The following CADPS variants were observed in gnomAD, a reference collection of about 807,000 sequenced individuals.
CADPS encodes the protein calcium dependent secretion activator.
In CADPS, 57 loss-of-function variants were observed where a neutral mutation model predicts 167.3. That is an observed-to-expected ratio of 0.34 (90% confidence interval 0.28 to 0.42). CADPS has a LOEUF of 0.42. Ranked by LOEUF, CADPS falls within the 20% of genes least tolerant of loss-of-function variation. The probability of loss-of-function intolerance (pLI) is 1.00; values close to 1 mark genes in which losing one functional copy is unlikely to be tolerated. For synonymous variants in CADPS, 676 were observed against 635.3 expected (o/e 1.06, Z -0.96); for missense variants, 1,414 against 1,738.1 (o/e 0.81, Z 3.32).
chr3:62,407,829 G>A (rs774011600), intron 28 of CADPS, among the ~76,000 whole-genome samples: 3 of 152,128 alleles, frequency 2.0e-5, no homozygotes, highest in Non-Finnish European at 4.4e-5. Context: ...TGTCTCCCAG[G>A]TTCAAGTGAT....
intron 24 of CADPS, among the ~76,000 whole-genome samples, chr3:62,470,464 G>A (rs2060456851): frequency 6.6e-6 from 1 of 152,162 alleles, no homozygotes; most frequent in African/African-American, 2.4e-5. Context: ...GCTTTACTTT[G>A]GAGATGAATA....
At chr3:62,807,714 T>C (rs1473064926) in intron 1 of CADPS, among the ~76,000 whole-genome samples, 1 of 152,186 alleles carries the variant, frequency 6.6e-6, no homozygotes, top group Admixed American at 6.5e-5. Context: ...TTATTCACAA[T>C]GATTTCAAAT....
intron 5 of CADPS, among the ~76,000 whole-genome samples, chr3:62,647,300 G>C (rs1037414483): frequency 6.6e-6 from 1 of 152,188 alleles, no homozygotes; most frequent in African/African-American, 2.4e-5. Flanking sequence ...GATTCCACAA[G>C]TCACAGTTTT....
At chr3:62,726,042 C>T (rs372078817) in intron 3 of CADPS, among the ~76,000 whole-genome samples, 8 of 151,630 alleles carry the variant, frequency 5.3e-5, no homozygotes, top group South Asian at 2.1e-4. Context: ...AGGAGGCTGA[C>T]GGCCTATGGT....
intron 29 of CADPS, among the ~76,000 whole-genome samples, chr3:62,401,049 C>A (rs1346149263): frequency 1.3e-5 from 2 of 152,172 alleles, no homozygotes; most frequent in African/African-American, 4.8e-5. Flanking sequence ...AAAAAGTAAT[C>A]TGGTTTGACA....
At chr3:62,819,401 TGTGTGC>T (rs1388103876) in intron 1 of CADPS, among the ~76,000 whole-genome samples, 2 of 125,900 alleles carry the variant, frequency 1.6e-5, no homozygotes, top group African/African-American at 6.0e-5. Context: ...AATGACAATC[TGTGTGC>T]GTGTGTGTGT....
At chr3:62,515,119 G>T (rs950815092) in intron 16 of CADPS, among the ~76,000 whole-genome samples, 2 of 152,080 alleles carry the variant, frequency 1.3e-5, no homozygotes, top group Non-Finnish European at 2.9e-5. Context: ...AAGTGATGGG[G>T]TCTGAGTGAT....
chr3:62,573,162 G>T (rs146468992), intron 8 of CADPS, among the ~76,000 whole-genome samples: 1 of 152,162 alleles, frequency 6.6e-6, no homozygotes, highest in Non-Finnish European at 1.5e-5. Flanking sequence ...GCTTACAGGC[G>T]TGAGGTACCT....
chr3:62,868,300 T>C (rs538076743), intron 1 of CADPS, among the ~76,000 whole-genome samples: 4 of 152,160 alleles, frequency 2.6e-5, no homozygotes, highest in African/African-American at 9.6e-5. Context: ...AAGGAGATGG[T>C]GTTGGCAAGA....
At chr3:62,552,265 T>G (rs1282626028) in intron 10 of CADPS, among the ~76,000 whole-genome samples, 1 of 148,956 alleles carries the variant, frequency 6.7e-6, no homozygotes, top group African/African-American at 2.5e-5. Context: ...CATTAGGAGA[T>G]ATACCTAATG....
At chr3:62,645,505 TTC>T (rs2068350560) in intron 6 of CADPS, among the ~76,000 whole-genome samples, 2 of 152,224 alleles carry the variant, frequency 1.3e-5, no homozygotes, top group South Asian at 4.1e-4. Flanking sequence ...AGGACACTGT[TTC>T]TTTAATTTTC....
At chr3:62,681,563 T>C (rs1239620146) in intron 3 of CADPS, among the ~76,000 whole-genome samples, 2 of 152,088 alleles carry the variant, frequency 1.3e-5, no homozygotes, top group Non-Finnish European at 2.9e-5. Flanking sequence ...CTAATCCTCC[T>C]ACAAGACTAG....
At chr3:62,521,563 A>T (rs2070600641) in intron 13 of CADPS, among the ~76,000 whole-genome samples, 1 of 152,338 alleles carries the variant, frequency 6.6e-6, no homozygotes, top group East Asian at 1.9e-4. Flanking sequence ...AAATCACTAA[A>T]GGAGACACAA....
chr3:62,603,225 A>G (rs833634), intron 6 of CADPS, among the ~76,000 whole-genome samples: 1 of 152,220 alleles, frequency 6.6e-6, no homozygotes, highest in Non-Finnish European at 1.5e-5. Flanking sequence ...AATGATTTCA[A>G]GAAACTCTGA....
chr3:62,681,624 G>A (rs1377655606), intron 3 of CADPS, among the ~76,000 whole-genome samples: 1 of 151,956 alleles, frequency 6.6e-6, no homozygotes, highest in Non-Finnish European at 1.5e-5. Flanking sequence ...ATCTTCATAG[G>A]CCCTGAAGAA....
chr3:62,520,518 T>G (rs1258602457), intron 13 of CADPS, among the ~76,000 whole-genome samples: 1 of 152,230 alleles, frequency 6.6e-6, no homozygotes, highest in East Asian at 1.9e-4. Context: ...AGTAAACAAC[T>G]GAAAAGTAGT....
chr3:62,735,465 A>C (rs561954145), intron 3 of CADPS, among the ~76,000 whole-genome samples: 1 of 152,288 alleles, frequency 6.6e-6, no homozygotes, highest in South Asian at 2.1e-4. Context: ...ACAGGTATTG[A>C]TACTATATTA....
intron 28 of CADPS, among the ~76,000 whole-genome samples, chr3:62,426,807 C>G (rs1383600489): frequency 6.6e-6 from 1 of 151,754 alleles, no homozygotes; most frequent in Non-Finnish European, 1.5e-5. Context: ...GTGGCTCACT[C>G]CTGTAATCCC....
At chr3:62,703,903 A>C (rs1428397979) in intron 3 of CADPS, among the ~76,000 whole-genome samples, 1 of 152,162 alleles carries the variant, frequency 6.6e-6, no homozygotes, top group Non-Finnish European at 1.5e-5. Context: ...TGTTCCTCTG[A>C]AAGTTCCCTC....
Sources: allele counts gnomAD v4.1 joint callset (sites outside exome capture counted in the v4.1 genomes callset), GRCh38; gene constraint gnomAD v4.1.1; transcripts MANE v1.5; gene names NCBI Gene and HGNC (gene_info 2026-07-23, HGNC 2026-07-21).